The following THRB variants were observed in gnomAD, a reference collection of about 807,000 sequenced individuals.
The protein encoded by THRB is nuclear receptor subfamily 1 group A member 2.
A neutral mutation model predicts 47.8 loss-of-function variants in THRB; 12 were observed. That is an observed-to-expected ratio of 0.25 (90% CI 0.16 to 0.41). THRB has a LOEUF of 0.41. Among genes scored for constraint, THRB ranks in the 10% least tolerant of loss-of-function variants. The pLI is 1.00. For synonymous variants in THRB, 218 were observed against 212.2 expected (o/e 1.03, Z -0.24); for missense variants, 348 against 589.2 (o/e 0.59, Z 4.24).
chr3:24,435,395 G>A (rs5014281), intron 1 of THRB, among the ~76,000 whole-genome samples: 145,521 of 152,228 alleles, frequency 0.96, 69,571 homozygotes, highest in Middle Eastern at 0.98. Context: ...AAGCAGATGC[G>A]GAAAGATGGA....
intron 3 of THRB, among the ~76,000 whole-genome samples, chr3:24,292,437 A>G (rs377294125): frequency 2.0e-5 from 3 of 152,182 alleles, no homozygotes; most frequent in East Asian, 1.9e-4. Context: ...TCTAATATTT[A>G]TATTTTTAGA....
chr3:24,258,142 G>C (rs2051506791), intron 3 of THRB, among the ~76,000 whole-genome samples: 1 of 152,212 alleles, frequency 6.6e-6, no homozygotes, highest in South Asian at 2.1e-4. Context: ...AGCATGCCAA[G>C]AGGCAGGATT....
chr3:24,161,511 A>C (rs2038813316), intron 5 of THRB, among the ~76,000 whole-genome samples: 1 of 151,938 alleles, frequency 6.6e-6, no homozygotes, highest in Non-Finnish European at 1.5e-5. Flanking sequence ...GGAGAGGAAG[A>C]AGGAAAGGAA....
At chr3:24,199,707 A>C (rs886122977) in intron 4 of THRB, among the ~76,000 whole-genome samples, 2 of 152,230 alleles carry the variant, frequency 1.3e-5, no homozygotes, top group African/African-American at 2.4e-5. Context: ...AAAACCATTA[A>C]AACAATTTTA....
At chr3:24,331,002 C>T (rs146794421) in intron 2 of THRB, among the ~76,000 whole-genome samples, 7 of 152,188 alleles carry the variant, frequency 4.6e-5, no homozygotes, top group East Asian at 1.9e-4. Context: ...GCCAGTGTAT[C>T]GTGCACCATG....
chr3:24,484,039 C>T (rs1696881472), intron 1 of THRB: 3 of 152,204 alleles, frequency 2.0e-5, no homozygotes. Flanking sequence ...GAGCCCATGA[C>T]CTCAGAGCCA....
At chr3:24,134,796 G>A (rs897180889) in intron 8 of THRB, among the ~76,000 whole-genome samples, 4 of 152,174 alleles carry the variant, frequency 2.6e-5, no homozygotes, top group Non-Finnish European at 5.9e-5. Context: ...GAGCCACAGT[G>A]AATAGACAAG....
chr3:24,375,717 G>T (rs2065237764), intron 1 of THRB, among the ~76,000 whole-genome samples: 1 of 151,838 alleles, frequency 6.6e-6, no homozygotes, highest in African/African-American at 2.4e-5. Context: ...GCCCTGAAAA[G>T]TTGCTATTTT....
intron 1 of THRB, among the ~76,000 whole-genome samples, chr3:24,361,865 G>T (rs964127166): frequency 1.3e-5 from 2 of 152,042 alleles, no homozygotes; most frequent in Non-Finnish European, 2.9e-5. Flanking sequence ...ACCTTCTGCC[G>T]ATTTAACTTA....
intron 6 of THRB, among the ~76,000 whole-genome samples, chr3:24,148,157 C>T (rs1033204836): frequency 1.1e-4 from 16 of 152,252 alleles, no homozygotes; most frequent in African/African-American, 2.4e-4. Context: ...GACAGAGTCT[C>T]GCTCTGTCAC....
chr3:24,286,943 G>C (rs2150926691), intron 3 of THRB, among the ~76,000 whole-genome samples: 1 of 152,260 alleles, frequency 6.6e-6, no homozygotes, highest in Non-Finnish European at 1.5e-5. Flanking sequence ...AGTGAGATGT[G>C]CTTGTGTAAA....
chr3:24,434,964 C>A (rs554429645), intron 1 of THRB, among the ~76,000 whole-genome samples: 3 of 152,172 alleles, frequency 2.0e-5, no homozygotes, highest in African/African-American at 7.2e-5. Context: ...AGGAATGGGG[C>A]ATGTTCAGAT....
intron 3 of THRB, among the ~76,000 whole-genome samples, chr3:24,263,988 C>T (rs918843111): frequency 2.6e-5 from 4 of 152,094 alleles, no homozygotes; most frequent in Non-Finnish European, 4.4e-5. Context: ...TTGGCATTGG[C>T]AGAACATATT....
At chr3:24,266,379 G>A (rs1367264729) in intron 3 of THRB, among the ~76,000 whole-genome samples, 2 of 152,168 alleles carry the variant, frequency 1.3e-5, no homozygotes, top group Admixed American at 1.3e-4. Context: ...CAATACTGAG[G>A]AAAGAAAGGG....
intron 1 of THRB, among the ~76,000 whole-genome samples, chr3:24,412,455 T>C (rs2068384065): frequency 6.6e-6 from 1 of 151,808 alleles, no homozygotes; most frequent in African/African-American, 2.4e-5. Context: ...GATAACTGTT[T>C]AGGAGCTTGG....
intron 3 of THRB, among the ~76,000 whole-genome samples, chr3:24,281,822 T>A (rs558756504): frequency 1.4e-4 from 21 of 150,186 alleles, no homozygotes; most frequent in African/African-American, 4.4e-4. Flanking sequence ...CCAACAAAGA[T>A]CAAAAGAGAC....
At position 24,157,253 on chromosome 3, in the gene THRB, C is replaced by A. The variant is rs73035981; in HGVS notation, c.284-4763G>T. Among the ~76,000 whole-genome samples, 1,323 of 152,102 alleles carry A rather than the reference C, an allele frequency of 8.7e-3. 18 individuals are homozygous for A. The highest frequency in any genetic ancestry group is 0.012 in the Non-Finnish European group (790 of 68,006). On this transcript the variant is annotated intron_variant, in intron 5 of 10. Coordinates refer to ENST00000646209, the MANE Select transcript of THRB (RefSeq NM_001354712.2). ...TGGAGTCTTGGAGTCTCTTTCTTTA[C>A]ACTTTGCCCTCTGGCTGGCTGGGCC...
chr3:24,224,110 GA>G (rs1432303432), intron 4 of THRB, among the ~76,000 whole-genome samples: 2 of 152,096 alleles, frequency 1.3e-5, no homozygotes, highest in Non-Finnish European at 2.9e-5. Context: ...TGTGAAAACA[GA>G]AAAAGTTTTT....
intron 6 of THRB, among the ~76,000 whole-genome samples, chr3:24,147,957 A>C (rs1459724710): frequency 1.3e-5 from 2 of 152,136 alleles, no homozygotes; most frequent in African/African-American, 4.8e-5. Flanking sequence ...GGCACTCCAC[A>C]TCTTACTTGC....
Sources: allele counts gnomAD v4.1 joint callset (sites outside exome capture counted in the v4.1 genomes callset), GRCh38; gene constraint gnomAD v4.1.1; transcripts MANE v1.5; gene names NCBI Gene and HGNC (gene_info 2026-07-23, HGNC 2026-07-21).